Variants in LONP2 observed in about 807,000 individuals in gnomAD.
LONP2 encodes lon peptidase 2, peroxisomal.
Under a neutral mutation model 85.6 loss-of-function variants are expected in LONP2, and 60 were observed. The observed-to-expected ratio is 0.70, with a 90% confidence interval of 0.57 to 0.87. LONP2 has a LOEUF of 0.87. Among genes scored for constraint, LONP2 ranks in the 40% least tolerant of loss-of-function variants. LONP2 has a pLI of 0.00. For synonymous variants in LONP2, 395 were observed against 389.7 expected, an observed-to-expected ratio of 1.01 and a Z score of -0.16; for missense variants, 860 against 1,063.5, an observed-to-expected ratio of 0.81 and a Z score of 2.66.
chr16:48,330,099 T>C (rs887134129), intron 11 of LONP2, among the ~76,000 whole-genome samples: 1 of 152,262 alleles, frequency 6.6e-6, no homozygotes, highest in Non-Finnish European at 1.5e-5. Context: ...AAGATCTCTT[T>C]ACTTTTTTTA....
chr16:48,336,030 G>T (rs753542308), intron 12 of LONP2, among the ~76,000 whole-genome samples: 2 of 152,196 alleles, frequency 1.3e-5, no homozygotes, highest in Non-Finnish European at 2.9e-5. Flanking sequence ...TTTGACTCCT[G>T]CATGGCCGAT....
chr16:48,296,203 T>G (rs1972666972), intron 9 of LONP2, 38 bp downstream of exon 9: 1 of 1,598,832 alleles, frequency 6.3e-7, no homozygotes, highest in East Asian at 2.2e-5. Context: ...CATCTTGCCT[T>G]TCTGACCATA....
intron 12 of LONP2, among the ~76,000 whole-genome samples, chr16:48,342,016 G>T (rs141659751): frequency 6.6e-6 from 1 of 152,268 alleles, no homozygotes. Flanking sequence ...GAAAGAGTAG[G>T]TCACTGCCGG....
At chr16:48,296,470 G>A (rs1972673326) in intron 9 of LONP2, among the ~76,000 whole-genome samples, 1 of 152,160 alleles carries the variant, frequency 6.6e-6, no homozygotes, top group African/African-American at 2.4e-5. Context: ...GCTCACACCT[G>A]TCATCCCAGC....
intron 9 of LONP2, among the ~76,000 whole-genome samples, chr16:48,296,526 G>A (rs749003758): frequency 2.0e-5 from 3 of 152,042 alleles, no homozygotes; most frequent in Non-Finnish European, 2.9e-5. Flanking sequence ...TCAGGAATTC[G>A]AGACCAGCCT....
intron 11 of LONP2, among the ~76,000 whole-genome samples, chr16:48,324,002 T>C (rs1345471126): frequency 1.3e-5 from 2 of 152,218 alleles, no homozygotes; most frequent in East Asian, 1.9e-4. Context: ...GCACAATTCC[T>C]CTGGCTGGGA....
At chr16:48,351,005 A>G (rs368002190) in intron 14 of LONP2, among the ~76,000 whole-genome samples, 2 of 152,282 alleles carry the variant, frequency 1.3e-5, no homozygotes, top group East Asian at 1.9e-4. Context: ...ATCATACAGC[A>G]TCACTCCCAC....
intron 12 of LONP2, among the ~76,000 whole-genome samples, chr16:48,337,592 A>T (rs1959689485): frequency 6.6e-6 from 1 of 152,054 alleles, no homozygotes; most frequent in Non-Finnish European, 1.5e-5. Flanking sequence ...TTATTACTCT[A>T]GAAAAACATC....
rs774550050 is a variant in LONP2, at chr16:48,244,364, G to T, written c.-25G>T. The T allele has an allele frequency of 2.0e-6, 3 of 1,494,606 alleles. No homozygotes were observed. The Admixed American group carries it at 6.1e-5, about 30-fold the overall frequency. The allele number at this position is 1,494,606 out of a possible 1,614,324, so 92.6% of individuals were successfully genotyped here. A position where few individuals can be genotyped will look rare whatever the true frequency, so the allele number is the denominator to read the frequency against. ...GCTGTCTGTCTGGCTCTTTTTGACA[G>T]CCCCCAGTGCGAAAGGCTGCCAGCA... On this transcript the variant is annotated 5_prime_UTR_variant, in exon 1 of 15. Coordinates refer to ENST00000285737, the MANE Select transcript of LONP2 (RefSeq NM_031490.5).
At chr16:48,302,659 A>C (rs559459031) in intron 10 of LONP2, among the ~76,000 whole-genome samples, 1 of 152,274 alleles carries the variant, frequency 6.6e-6, no homozygotes, top group Admixed American at 6.5e-5. Context: ...AATCTTCACA[A>C]TGAAAATACA....
rs922803189 is a variant in LONP2 at position 48,307,581 on chromosome 16, T to C, written c.1795+4276T>C. Among the ~76,000 whole-genome samples, 72 of 152,216 alleles carry C rather than the reference T, an allele frequency of 4.7e-4. 1 individual carries two copies. The highest frequency in any genetic ancestry group is 6.5e-5 in the Admixed American group (1 of 15,278). On this transcript the variant is annotated intron_variant, in intron 11 of 14. Coordinates refer to ENST00000285737, the MANE Select transcript of LONP2 (RefSeq NM_031490.5). ...ATAAAGTTTCTCATAATACACTGCA[T>C]TCTCAATTACTTTATTTTTGAAGAA...
rs1960242501 is a variant in LONP2 at position 48,354,033 on chromosome 16, T to C, written c.*2231T>C. On this transcript the variant is annotated 3_prime_UTR_variant, in exon 15 of 15. Coordinates refer to ENST00000285737, the MANE Select transcript of LONP2 (RefSeq NM_031490.5). ...TTAATTCCAGGGGTGGGAGGTTGGT[T>C]GGTTGAAGTCTAAGCTCTTCCTTTT... The C allele has an allele frequency of 7.0e-6, 1 of 141,914 alleles. No individual in the cohort carries two copies. The highest frequency in any genetic ancestry group is 2.3e-4 in the South Asian group (1 of 4,282). The allele number at this position is 141,914 out of a possible 1,614,324, so 8.8% of individuals were successfully genotyped here. A position where few individuals can be genotyped will look rare whatever the true frequency, so the allele number is the denominator to read the frequency against.
At chr16:48,302,140 G>A (rs938008270) in intron 10 of LONP2, among the ~76,000 whole-genome samples, 1 of 151,974 alleles carries the variant, frequency 6.6e-6, no homozygotes, top group Non-Finnish European at 1.5e-5. Context: ...AGTGAATTTC[G>A]CTAAGCTTGG....
rs763635182 is a variant in LONP2, at chr16:48,262,825, A to G, written c.935A>G (p.Asn312Ser). The G allele has an allele frequency of 2.5e-6, 4 of 1,612,628 alleles. No homozygotes were observed. The highest frequency in any genetic ancestry group is 3.4e-6 in the Non-Finnish European group (4 of 1,179,272). ...QSMPEYALTRNYLELMVELPW... is the reference protein window; with the variant it reads ...QSMPEYALTRSYLELMVELPW... ...ATGCCAGAATATGCTCTGACTAGAA[A>G]TTATTTGGAACTTATGGTAGAACTT... The change falls in exon 6 of 15, where the codon AAT (asparagine) becomes AGT (serine). Residue 312 changes from asparagine to serine, a missense_variant. By Grantham distance (46) the Asn-to-Ser change is conservative. Around this residue, in one of 3 missense-constraint regions of LONP2, gnomAD observed 743 missense variants for 917.3 expected, o/e 0.81. Transcript: ENST00000285737.
intron 11 of LONP2, among the ~76,000 whole-genome samples, chr16:48,326,218 T>C (rs554883707): frequency 6.6e-6 from 1 of 152,324 alleles, no homozygotes; most frequent in African/African-American, 2.4e-5. Flanking sequence ...AGACATGATA[T>C]TAGTATAACA....
chr16:48,357,906 T>C (rs1437289873), downstream of LONP2, among the ~76,000 whole-genome samples: 1 of 152,164 alleles, frequency 6.6e-6, no homozygotes, highest in East Asian at 1.9e-4. Context: ...AACTGGCCCA[T>C]GATTAAATAG....
rs1171371638 is a variant in LONP2, at chr16:48,303,259, G to A, written c.1749G>A (p.Gln583=). 5 of 1,614,178 alleles carry A rather than the reference G, an allele frequency of 3.1e-6. No homozygotes were observed. In the South Asian group the frequency reaches 5.5e-5, roughly 18 times the overall value. ...TGGCCGTGAAGGTGGCAGAAGGACA[G>A]CATAAGGAAGCCAAGTTGGACCGTT... ...RAVAVKVAEG[Q]HKEAKLDRSD... is the part of the protein sequence containing the mutation. The change falls in exon 11 of 15, where the codon CAG becomes CAA. Residue 583 remains glutamine (Q), a synonymous_variant. Coordinates refer to ENST00000285737, the MANE Select transcript of LONP2 (RefSeq NM_031490.5).
intron 1 of LONP2, among the ~76,000 whole-genome samples, chr16:48,245,821 T>G (rs1338766512): frequency 6.6e-6 from 1 of 152,160 alleles, no homozygotes; most frequent in Non-Finnish European, 1.5e-5. Flanking sequence ...CCACATTATA[T>G]TTTTATTGGA....
At chr16:48,286,012 T>C (rs1044149630) in intron 8 of LONP2, among the ~76,000 whole-genome samples, 1 of 152,242 alleles carries the variant, frequency 6.6e-6, no homozygotes, top group Non-Finnish European at 1.5e-5. Flanking sequence ...GACTACTCTA[T>C]ATACCTCATA....
Sources: gnomAD v4.1 joint callset for allele counts (sites outside exome capture counted in the v4.1 genomes callset) on GRCh38, gnomAD v4.1.1 for gene constraint, gnomAD v4.1.1 regional missense constraint, MANE v1.5 for transcripts, NCBI Gene and HGNC (gene_info 2026-07-23, HGNC 2026-07-21) for gene names.